The following CTNNA3 variants were observed in gnomAD, a reference collection of about 807,000 sequenced individuals.
CTNNA3 encodes the protein catenin alpha 3.
CTNNA3 carries 76 observed loss-of-function variants against 95.7 expected under a neutral mutation model. That is an observed-to-expected ratio of 0.79 (90% CI 0.66 to 0.96). The LOEUF is 0.96. Among genes scored for constraint, CTNNA3 ranks in the 40% least tolerant of loss-of-function variants. The probability of loss-of-function intolerance (pLI) is 0.00; values close to 1 mark genes in which losing one functional copy is unlikely to be tolerated. For missense variants in CTNNA3, 1,191 were observed against 1,089.8 expected, an observed-to-expected ratio of 1.09 and a Z score of -1.31; for synonymous variants, 431 against 374.4, an observed-to-expected ratio of 1.15 and a Z score of -1.74.
intron 9 of CTNNA3, among the ~76,000 whole-genome samples, chr10:66,670,228 T>G (rs559547454): frequency 5.1e-4 from 78 of 152,214 alleles, no homozygotes; most frequent in Non-Finnish European, 9.4e-4. Context: ...ATAAATGTAT[T>G]TGTTCTCAGT....
chr10:66,309,661 A>G (rs185902978), intron 12 of CTNNA3, among the ~76,000 whole-genome samples: 3,758 of 125,100 alleles, frequency 0.03, 160 homozygotes, highest in African/African-American at 0.1. Context: ...ACTCCAGCCT[A>G]GGCGGCAGAG....
chr10:67,472,113 T>C (rs1847851473), intron 5 of CTNNA3, among the ~76,000 whole-genome samples: 1 of 152,230 alleles, frequency 6.6e-6, no homozygotes, highest in African/African-American at 2.4e-5. Flanking sequence ...GTGGCAAATG[T>C]GTAAGTTTCA....
At chr10:66,528,926 G>C (rs1841363957) in intron 10 of CTNNA3, among the ~76,000 whole-genome samples, 1 of 152,046 alleles carries the variant, frequency 6.6e-6, no homozygotes, top group South Asian at 2.1e-4. Flanking sequence ...AAAGTTTTAT[G>C]AGGGTGTATC....
chr10:66,524,788 G>A (rs751421321), intron 10 of CTNNA3, among the ~76,000 whole-genome samples: 12 of 152,084 alleles, frequency 7.9e-5, no homozygotes, highest in Admixed American at 1.3e-4. Flanking sequence ...GGTGGCTCAC[G>A]CCTGTAATCC....
chr10:67,725,875 A>G (rs1294502879), intron 1 of CTNNA3, among the ~76,000 whole-genome samples: 2 of 145,424 alleles, frequency 1.4e-5, no homozygotes, highest in Non-Finnish European at 3.0e-5. Context: ...CTCAACAGTG[A>G]CTAGAATGTC....
rs529423933 is a variant in CTNNA3, at chr10:67,085,758, T to C, written c.1047+94559A>G. Among the ~76,000 whole-genome samples, 508 of 152,118 alleles carry C rather than the reference T, an allele frequency of 3.3e-3. 2 individuals carry two copies. The highest frequency in any genetic ancestry group is 0.014 in the Middle Eastern group (4 of 294). ...CAGTTCCCTGCCAATCTTTCCACTC[T>C]CAAGAATTTTCAAACTTTTACTAAT... On this transcript the variant is annotated intron_variant, in intron 7 of 17. Coordinates refer to ENST00000433211, the MANE Select transcript of CTNNA3 (RefSeq NM_013266.4).
At chr10:66,788,534 T>G (rs567052242) in intron 7 of CTNNA3, among the ~76,000 whole-genome samples, 2 of 152,310 alleles carry the variant, frequency 1.3e-5, no homozygotes, top group South Asian at 2.1e-4. Flanking sequence ...TAATATTTCT[T>G]GCAGTGTGGC....
chr10:67,026,298 C>T (rs1181008052), intron 7 of CTNNA3, among the ~76,000 whole-genome samples: 1 of 151,980 alleles, frequency 6.6e-6, no homozygotes, highest in Non-Finnish European at 1.5e-5. Context: ...ATACTTATGA[C>T]CATCTGGCAA....
intron 7 of CTNNA3, among the ~76,000 whole-genome samples, chr10:67,114,064 CAG>C (rs1175154304): frequency 2.9e-5 from 4 of 138,080 alleles, no homozygotes; most frequent in Non-Finnish European, 4.7e-5. Context: ...GTCTGGGTGA[CAG>C]GGGGAGAACT....
intron 1 of CTNNA3, among the ~76,000 whole-genome samples, chr10:67,731,632 C>G (rs1462315036): frequency 6.6e-6 from 1 of 151,834 alleles, no homozygotes. Context: ...GAAACCCCGT[C>G]TCTACTAAAA....
chr10:66,705,160 C>T (rs950494245), intron 9 of CTNNA3, among the ~76,000 whole-genome samples: 2 of 151,832 alleles, frequency 1.3e-5, no homozygotes, highest in African/African-American at 4.8e-5. Flanking sequence ...ACTATGGTAA[C>T]CTTACATTGA....
chr10:66,843,601 GA>G, intron 7 of CTNNA3, among the ~76,000 whole-genome samples: 1 of 152,164 alleles, frequency 6.6e-6, no homozygotes, highest in African/African-American at 2.4e-5. Flanking sequence ...GACAACAGAG[GA>G]ACTTGACAGA....
At chr10:66,444,142 C>T (rs373928590) in intron 11 of CTNNA3, among the ~76,000 whole-genome samples, 21 of 152,088 alleles carry the variant, frequency 1.4e-4, no homozygotes, top group East Asian at 5.8e-4. Flanking sequence ...TAAGAAGAAA[C>T]GAACAAAGCC....
chr10:66,037,275 A>C (rs2079584346), intron 15 of CTNNA3, among the ~76,000 whole-genome samples: 1 of 152,216 alleles, frequency 6.6e-6, no homozygotes, highest in Non-Finnish European at 1.5e-5. Flanking sequence ...TCAGGGTCAG[A>C]ATAGTTCAGG....
intron 13 of CTNNA3, among the ~76,000 whole-genome samples, chr10:66,166,813 T>C (rs2085155930): frequency 6.6e-6 from 1 of 152,092 alleles, no homozygotes; most frequent in Admixed American, 6.6e-5. Context: ...TCAGTTAGTA[T>C]GATGGCAGAA....
chr10:67,755,696 T>G (rs1841428870), intron 1 of CTNNA3, among the ~76,000 whole-genome samples: 1 of 148,978 alleles, frequency 6.7e-6, no homozygotes, highest in Non-Finnish European at 1.5e-5. Context: ...CAGTTATTCA[T>G]GAGGCTGAGT....
Position 66,905,405 on chromosome 10 carries a change from G to A in CTNNA3, c.1048-129881C>T, listed in dbSNP as rs187452763. On this transcript the variant is annotated intron_variant, in intron 7 of 17. Transcript: ENST00000433211. The stretch of plus-strand genomic sequence containing the variant: ...GACTGGGGAAGGGATAGCATTAGGC[G>A]AAATACCGAATGTAAATGACGAGTT... Among the ~76,000 whole-genome samples the A allele has an allele frequency of 2.2e-4, 33 of 152,208 alleles. No individual in the cohort carries two copies. The East Asian group carries it at 5.0e-3, about 23-fold the overall frequency.
chr10:66,336,483 G>T (rs555145130), intron 12 of CTNNA3, among the ~76,000 whole-genome samples: 14 of 152,164 alleles, frequency 9.2e-5, no homozygotes, highest in African/African-American at 3.4e-4. Flanking sequence ...AAAAAGAATT[G>T]CAAAGAGTTA....
chr10:66,367,881 ATTATTATTATTATTATTAT>A (rs1564903294), intron 12 of CTNNA3, among the ~76,000 whole-genome samples: 2 of 20,104 alleles, frequency 9.9e-5, no homozygotes, highest in Non-Finnish European at 1.8e-4. Context: ...AATAATAATA[ATTATTATTATTATTATTAT>A]TATTATTATT....
Sources: allele counts gnomAD v4.1 joint callset (sites outside exome capture counted in the v4.1 genomes callset), GRCh38; gene constraint gnomAD v4.1.1; transcripts MANE v1.5; gene names NCBI Gene and HGNC (gene_info 2026-07-23, HGNC 2026-07-21).